MROH2A: variants seen among roughly 807,000 people sequenced by gnomAD.
MROH2A encodes the protein maestro heat like repeat family member 2A.
A neutral mutation model predicts 200.4 loss-of-function variants in MROH2A; 174 were observed. That is an observed-to-expected ratio of 0.87 (90% CI 0.77 to 0.98). The LOEUF (loss-of-function observed/expected upper bound fraction) is 0.98, where lower values mean the gene tolerates loss of function less well. MROH2A is among the 50% of genes least tolerant of loss of function. The pLI is 0.00. For synonymous variants in MROH2A, 829 were observed against 840.4 expected (o/e 0.99, Z 0.23); for missense variants, 2,045 against 2,139.6 (o/e 0.96, Z 0.87).
At chr2:233,814,513 C>A in intron 25 of MROH2A, 69 bp from the exon 26 acceptor site, 1 of 1,132,126 alleles carries the variant, frequency 8.8e-7, no homozygotes, top group Non-Finnish European at 1.3e-6. Context: ...CTGGCATGAA[C>A]TCCCTGCAGG....
chr2:233,808,726 G>C (rs1176973864), intron 21 of MROH2A, among the ~76,000 whole-genome samples: 1 of 152,240 alleles, frequency 6.6e-6, no homozygotes, highest in Non-Finnish European at 1.5e-5. Context: ...AGTGGAGGCT[G>C]TCGGTTCCTG....
chr2:233,795,826 C>T (rs1454238083), intron 9 of MROH2A, 81 bp downstream of exon 9: 7 of 1,548,714 alleles, frequency 4.5e-6, no homozygotes, highest in Non-Finnish European at 6.1e-6. Flanking sequence ...TGGCCTGGCC[C>T]ACAACTCACT....
At position 233,799,684 on chromosome 2, in the gene MROH2A, C is replaced by T. The variant is rs986832096; in HGVS notation, c.1330-96C>T. 107 of 1,478,670 alleles carry T rather than the reference C, an allele frequency of 7.2e-5. No homozygotes were observed. In the African/African-American group the frequency reaches 1.4e-3, roughly 19 times the overall value. The allele number at this position is 1,478,670 out of a possible 1,614,324, so 91.6% of individuals were successfully genotyped here. ...GGTAGTCCCTGAGGCCCCTTCTAGC[C>T]CAGAGCACCCCCAATTCCTAGCTCT... On this transcript the variant is annotated intron_variant, in intron 12 of 41. Coordinates refer to ENST00000389758, the MANE Select transcript of MROH2A (RefSeq NM_001394639.1).
At chr2:233,802,410 A>C in intron 15 of MROH2A, 95 bp downstream of exon 15, 1 of 1,363,220 alleles carries the variant, frequency 7.3e-7, no homozygotes, top group Non-Finnish European at 9.9e-7. Flanking sequence ...TCCCACCCTC[A>C]TTCCCCCTTC....
At chr2:233,789,114 G>C (rs1701567382) in intron 3 of MROH2A, among the ~76,000 whole-genome samples, 2 of 152,074 alleles carry the variant, frequency 1.3e-5, no homozygotes, top group South Asian at 2.1e-4. Context: ...AATTGGAAGA[G>C]AGTAAGAGGC....
intron 35 of MROH2A, 28 bp downstream of exon 35, chr2:233,823,692 G>A: frequency 6.5e-7 from 1 of 1,545,278 alleles, no homozygotes; most frequent in Non-Finnish European, 8.7e-7. Context: ...GGTGTGGGCG[G>A]GGTGCAAGCG....
rs1194213984 is a variant in MROH2A at position 233,831,147 on chromosome 2, T to C, written c.4603-262T>C. Among the ~76,000 whole-genome samples the C allele has an allele frequency of 2.0e-5, 3 of 152,152 alleles. No individual in the cohort carries two copies. The East Asian group carries it at 5.8e-4, about 29-fold the overall frequency. On this transcript the variant is annotated intron_variant, in intron 38 of 41. Transcript: ENST00000389758. ...TGGAGGGCTGGGTCCCAGGCAGGGC[T>C]GCTGAGGGCACGAAGGTGCTGGCTG...
At chr2:233,777,238 C>T (rs1180055457), upstream of MROH2A, among the ~76,000 whole-genome samples, 1 of 152,194 alleles carries the variant, frequency 6.6e-6, no homozygotes, top group Non-Finnish European at 1.5e-5. Flanking sequence ...GTCTGAAGAC[C>T]TTCAGAGGAC....
chr2:233,818,326 C>A (rs1254332752), intron 28 of MROH2A, among the ~76,000 whole-genome samples: 1 of 152,124 alleles, frequency 6.6e-6, no homozygotes, highest in Non-Finnish European at 1.5e-5. Flanking sequence ...AGGAGAGGTT[C>A]ATTAGCCCAG....
At chr2:233,798,929 AG>A (rs1254607908) in intron 12 of MROH2A, 79 bp downstream of exon 12, 5 of 1,180,234 alleles carry the variant, frequency 4.2e-6, no homozygotes, top group Non-Finnish European at 6.2e-6. Context: ...GGGCTCTGGG[AG>A]GCAGAGGCTT....
Position 233,793,877 on chromosome 2 carries a change from C to T in MROH2A, c.822+53C>T. On this transcript the variant is annotated intron_variant, in intron 7 of 41. Transcript: ENST00000389758. ...TGGTGGTCCCCAGGCCACAGCTCCC[C>T]AGCCTGTGGGGCCGGGAGGTGCTGA... 4 of 1,338,212 alleles carry T rather than the reference C, an allele frequency of 3.0e-6. 1 individual carries two copies. In the South Asian group the frequency reaches 9.0e-5, roughly 30 times the overall value. The allele number at this position is 1,338,212 out of a possible 1,614,324, so 82.9% of individuals were successfully genotyped here.
At chr2:233,803,359 T>A (rs1302846833) in intron 15 of MROH2A, 89 bp from the exon 16 acceptor site, 2 of 1,428,778 alleles carry the variant, frequency 1.4e-6, no homozygotes, top group East Asian at 2.5e-5. Flanking sequence ...GGAGGAACCT[T>A]CTAGGGTAAA....
Position 233,822,983 on chromosome 2 carries a change from C to T in MROH2A, c.3969C>T (p.Gly1323=), listed in dbSNP as rs527368466. ...CAGTGTGGGACCTCCTGCAGGACGG[C>T]GGGACATTCCTGGAGGGTGTGAGCC... is the stretch of plus-strand genomic sequence containing the variant. ...EQAVWDLLQD[G]GTFLEGVSLL... The change falls in exon 34 of 42, where the codon GGC becomes GGT. Residue 1323 remains glycine, a synonymous_variant. Coordinates refer to ENST00000389758, the MANE Select transcript of MROH2A (RefSeq NM_001394639.1). The T allele has an allele frequency of 3.7e-5, 57 of 1,548,722 alleles. No individual in the cohort carries two copies. The highest frequency in any genetic ancestry group is 1.7e-4 in the Middle Eastern group (1 of 5,974).
Position 233,792,801 on chromosome 2 carries a change from G to T in MROH2A, c.577G>T (p.Glu193Ter). The T allele has an allele frequency of 1.3e-6, 2 of 1,538,068 alleles. No individual in the cohort carries two copies. The highest frequency in any genetic ancestry group is 1.8e-6 in the Non-Finnish European group (2 of 1,135,870). Reference protein sequence around the residue: ...LAKLANGNVFEFMPYMGITLA... With the variant: ...LAKLANGNVF The stretch of plus-strand genomic sequence containing the variant: ...CATCCCTCACAACCTCACAGTGTTT[G>T]AGTTCATGCCATACATGGGCATCAC... The change falls in exon 6 of 42, where the codon GAG becomes TAG. Residue 193 changes from glutamate (E) to a stop codon, truncating the protein, a stop_gained. Coordinates refer to ENST00000389758, the MANE Select transcript of MROH2A (RefSeq NM_001394639.1). LOFTEE classifies it high-confidence loss of function.
chr2:233,809,780 G>GTATA (rs10635266), intron 22 of MROH2A, among the ~76,000 whole-genome samples: 73,689 of 151,292 alleles, frequency 0.49, 18,016 homozygotes, highest in South Asian at 0.56. Context: ...CCATTTTTAA[G>GTATA]TATATATATA....
chr2:233,800,057 G>A lies in MROH2A; in HGVS notation c.1450-148G>A. On this transcript the variant is annotated intron_variant, in intron 13 of 41. Transcript: ENST00000389758. ...ACAGTGAACCTGCAGGTGACAATGT[G>A]TGGGGTCCTAGATATATGCACAGCT... The A allele has an allele frequency of 6.2e-6, 7 of 1,120,944 alleles. No individual in the cohort carries two copies. The South Asian group carries it at 1.1e-4, about 17-fold the overall frequency. The allele number at this position is 1,120,944 out of a possible 1,614,324, so 69.4% of individuals were successfully genotyped here. A position where few individuals can be genotyped will look rare whatever the true frequency, so the allele number is the denominator to read the frequency against.
rs756727703 is a variant in MROH2A at position 233,799,797 on chromosome 2, C to T, written c.1347C>T (p.Leu449=). ...DTRSKVRMAI[L]HIIGQLALCG... is the part of the protein sequence containing the mutation. The stretch of plus-strand genomic sequence containing the variant: ...CCCCTCAGGTGAGGATGGCTATTCT[C>T]CACATCATTGGGCAGTTGGCTCTCT... Residue 449 remains leucine, a synonymous_variant, in exon 13 of 42, where the codon CTC becomes CTT. Coordinates refer to ENST00000389758, the MANE Select transcript of MROH2A (RefSeq NM_001394639.1). 2.1e-5 allele frequency: 32 copies of T among 1,550,372 alleles called. 1 individual carries two copies. The South Asian group carries it at 3.8e-4, about 18-fold the overall frequency.
At chr2:233,793,040 G>A (rs12622156) in intron 6 of MROH2A, 146 bp downstream of exon 6, 110,236 of 801,308 alleles carry the variant, frequency 0.14, 8,682 homozygotes, top group African/African-American at 0.24. Flanking sequence ...CTTTTACTTC[G>A]TGTGGCCTCT....
chr2:233,832,460 C>T (rs1476217387), intron 40 of MROH2A, 119 bp from the exon 41 acceptor site: 14 of 1,001,248 alleles, frequency 1.4e-5, no homozygotes, highest in African/African-American at 6.4e-5. Flanking sequence ...TCCCTGCCAA[C>T]GTGGGCTCAA....
Sources: allele counts gnomAD v4.1 joint callset (sites outside exome capture counted in the v4.1 genomes callset), GRCh38; gene constraint gnomAD v4.1.1; transcripts MANE v1.5; gene names NCBI Gene and HGNC (gene_info 2026-07-23, HGNC 2026-07-21).